Variants in LTBP2 observed in about 807,000 individuals in gnomAD.
LTBP2 encodes latent-transforming growth factor beta-binding protein 2.
Under a neutral mutation model 210.6 loss-of-function variants are expected in LTBP2, and 103 were observed. The observed-to-expected ratio is 0.49, with a 90% CI of 0.42 to 0.58. The LOEUF is 0.58. LTBP2 is among the 20% of genes least tolerant of loss of function. The pLI is 0.00. For synonymous variants in LTBP2, 1,007 were observed against 1,015.0 expected (o/e 0.99, Z 0.15); for missense variants, 2,313 against 2,494.5 (o/e 0.93, Z 1.55).
chr14:74,512,260 G>A (rs187775453), intron 18 of LTBP2, among the ~76,000 whole-genome samples: 197 of 152,308 alleles, frequency 1.3e-3, no homozygotes, highest in African/African-American at 4.6e-3. Flanking sequence ...CCTCTGGCCC[G>A]GTATCAAGGC....
chr14:74,582,389 C>G (rs1285556477), intron 3 of LTBP2, among the ~76,000 whole-genome samples: 1 of 103,096 alleles, frequency 9.7e-6, no homozygotes, highest in Non-Finnish European at 2.0e-5. Context: ...TGCACACACA[C>G]ACATACATAC....
rs2086880722 is a variant in LTBP2 at position 74,498,938 on chromosome 14, A to G, written c.*1946T>C. ...TTGTTTCTAATCTTTAGCTATTACA[A>G]ATGATGCAGTAATAACTTCTTACGT... On this transcript the variant is annotated 3_prime_UTR_variant, in exon 36 of 36. Transcript: ENST00000261978. 4.4e-6 allele frequency: 1 copy of G among 224,984 alleles called. No individual in the cohort carries two copies. The allele number at this position is 224,984 out of a possible 1,614,324, so 13.9% of individuals were successfully genotyped here.
At chr14:74,570,987 G>A (rs1369239445) in intron 3 of LTBP2, among the ~76,000 whole-genome samples, 2 of 151,020 alleles carry the variant, frequency 1.3e-5, no homozygotes, top group Non-Finnish European at 2.9e-5. Context: ...GTGAGACTTT[G>A]AACAAATGTA....
intron 3 of LTBP2, among the ~76,000 whole-genome samples, chr14:74,561,059 C>G (rs1475810229): frequency 6.6e-6 from 1 of 152,188 alleles, no homozygotes; most frequent in African/African-American, 2.4e-5. Flanking sequence ...TAGAATATGC[C>G]TGTAATCCTA....
chr14:74,539,392 A>T (rs982799141), intron 8 of LTBP2, among the ~76,000 whole-genome samples: 1 of 152,178 alleles, frequency 6.6e-6, no homozygotes, highest in African/African-American at 2.4e-5. Context: ...CCGGAAAGGT[A>T]TCAACTCTCT....
In LTBP2 at chr14:74,612,043, C is replaced by T. The variant is rs1015248701; in HGVS notation, c.-99G>A. On this transcript the variant is annotated 5_prime_UTR_variant, in exon 1 of 36. Transcript: ENST00000261978. Reference sequence around the variant, plus strand: ...GGGCTGTTCTCCCGGCCCCGCCCGGCGGCCAGCTTCTCTGAGTCTAGGGGG... The same window carrying T: ...GGGCTGTTCTCCCGGCCCCGCCCGGTGGCCAGCTTCTCTGAGTCTAGGGGG... The T allele has an allele frequency of 4.6e-6, 6 of 1,316,572 alleles. No individual in the cohort carries two copies. The African/African-American group carries it at 6.3e-5, about 14-fold the overall frequency. 81.6% of individuals were successfully genotyped at this position (1,316,572 alleles called of 1,614,324 possible). A position where few individuals can be genotyped will look rare whatever the true frequency, so the allele number is the denominator to read the frequency against.
intron 8 of LTBP2, among the ~76,000 whole-genome samples, chr14:74,543,550 C>CTTTTTCCTTCCT (rs2087540534): frequency 1.4e-5 from 2 of 140,284 alleles, no homozygotes; most frequent in African/African-American, 5.0e-5. Flanking sequence ...TCCTCCCTCC[C>CTTTTTCCTTCCT]TCCCTTCCTT....
At position 74,506,164 on chromosome 14, in the gene LTBP2, G is replaced by A. The variant is rs746261739; in HGVS notation, c.4061C>T (p.Ala1354Val). ...CTCACAGAGCGCGGCCCCACATACCGCCAGCATAAGCTCACACTCGTTCAC... is the reference window on the plus strand; with the variant it reads ...CTCACAGAGCGCGGCCCCACATACCACCAGCATAAGCTCACACTCGTTCAC... The part of the protein sequence containing the change: ...VDVNECELML[A>V]VCGAALCENV... Residue 1354 changes from alanine (A) to valine (V), a missense_variant, in exon 28 of 36, where the codon GCG becomes GTG. By Grantham distance (64) the Ala-to-Val change is moderately conservative. Coordinates refer to ENST00000261978, the MANE Select transcript of LTBP2 (RefSeq NM_000428.3). The A allele has an allele frequency of 1.5e-5, 25 of 1,613,740 alleles. No homozygotes were observed. Among genetic ancestry groups the A allele is most frequent in the Admixed American group, 8.3e-5 (5 of 60,008 alleles).
chr14:74,522,259 G>T (rs1265950408), intron 16 of LTBP2, among the ~76,000 whole-genome samples: 3 of 152,168 alleles, frequency 2.0e-5, no homozygotes, highest in Non-Finnish European at 4.4e-5. Context: ...GTGACTGCCA[G>T]CCCCTCCTAT....
chr14:74,583,239 C>T (rs1453252880), intron 3 of LTBP2, among the ~76,000 whole-genome samples: 2 of 152,236 alleles, frequency 1.3e-5, no homozygotes, highest in African/African-American at 4.8e-5. Flanking sequence ...CATTTCCCTC[C>T]CCAACTCCTA....
chr14:74,501,715 G>C, intron 34 of LTBP2, 125 bp from the exon 35 acceptor site: 1 of 1,189,068 alleles, frequency 8.4e-7, no homozygotes, highest in Non-Finnish European at 1.2e-6. Flanking sequence ...GGGGCAGAGA[G>C]GATCATAAAA....
Position 74,553,206 on chromosome 14 carries a change from T to A in LTBP2, c.1022-144A>T, listed in dbSNP as rs184612102. The stretch of plus-strand genomic sequence containing the variant: ...AGTACCTACTGGACGCAGGGTCCCA[T>A]CGTAGGGGCAAGGTGATACCTTTGA... On this transcript the variant is annotated intron_variant, in intron 4 of 35. Coordinates refer to ENST00000261978, the MANE Select transcript of LTBP2 (RefSeq NM_000428.3). 3.7e-4 allele frequency: 295 copies of A among 787,898 alleles called. 2 individuals carry two copies. In the African/African-American group the frequency reaches 4.5e-3, roughly 12 times the overall value. 48.8% of individuals were successfully genotyped at this position (787,898 alleles called of 1,614,324 possible). A position where few individuals can be genotyped will look rare whatever the true frequency, so the allele number is the denominator to read the frequency against.
intron 34 of LTBP2, chr14:74,501,843 C>G: frequency 1.8e-6 from 1 of 547,952 alleles, no homozygotes; most frequent in Non-Finnish European, 3.3e-6. Context: ...GGCTGAGACT[C>G]GCTGCTTCCA....
At position 74,585,972 on chromosome 14, in the gene LTBP2, G is replaced by A. The variant is rs1313427661; in HGVS notation, c.712C>T (p.Arg238Cys). 5.6e-6 allele frequency: 9 copies of A among 1,613,164 alleles called. No individual in the cohort carries two copies. The highest frequency in any genetic ancestry group is 4.0e-5 in the African/African-American group (3 of 74,928). The change falls in exon 3 of 36, where the codon CGC becomes TGC. Residue 238 changes from arginine to cysteine, a missense_variant. By Grantham distance (180) the Arg-to-Cys change is radical. Around this residue, in one of 3 missense-constraint regions of LTBP2, gnomAD observed 1,867 missense variants for 1,976.9 expected, o/e 0.94. Transcript: ENST00000261978. ...AGGTTGGGTGAACGCTCGGCCCAGC[G>A]TCGAGGTGCCAGCCTGGAGTTCTGG... ...DPQNSRLAPRRWAERSPNLRR... is the reference protein window; with the variant it reads ...DPQNSRLAPRCWAERSPNLRR...
rs1179607417 is a variant in LTBP2 at position 74,516,865 on chromosome 14, C to T, written c.2865G>A (p.Glu955=). The change falls in exon 18 of 36, where the codon GAG becomes GAA. Residue 955 remains glutamate, a synonymous_variant. Transcript: ENST00000261978. Reference sequence around the variant, plus strand: ...TGACCATGATGTAGCCCTGATCACACTCGCAGTGGTACGAGCCCTCGGTGT... The same window carrying T: ...TGACCATGATGTAGCCCTGATCACATTCGCAGTGGTACGAGCCCTCGGTGT... ...CTNTEGSYHC[E]CDQGYIMVRK... The T allele has an allele frequency of 2.6e-6, 4 of 1,551,924 alleles. No individual in the cohort carries two copies. The highest frequency in any genetic ancestry group is 3.5e-6 in the Non-Finnish European group (4 of 1,147,090).
intron 3 of LTBP2, among the ~76,000 whole-genome samples, chr14:74,576,816 T>C (rs1405463579): frequency 6.6e-6 from 1 of 152,090 alleles, no homozygotes; most frequent in African/African-American, 2.4e-5. Context: ...CTTCTGTACA[T>C]ATACCAGGCA....
At chr14:74,609,870 G>A (rs2088580220) in intron 1 of LTBP2, among the ~76,000 whole-genome samples, 1 of 152,242 alleles carries the variant, frequency 6.6e-6, no homozygotes. Context: ...CCTTTCCCAT[G>A]CTCTGCACGC....
chr14:74,603,521 C>T (rs750541795), intron 2 of LTBP2, 114 bp downstream of exon 2: 41 of 1,014,636 alleles, frequency 4.0e-5, no homozygotes, highest in African/African-American at 6.3e-5. Context: ...CTAGGAAAGA[C>T]GCTTCTGCTC....
chr14:74,528,615 C>G lies in LTBP2; in HGVS notation c.2236G>C (p.Glu746Gln), dbSNP rs760735135. 1 of 1,613,636 alleles carries G rather than the reference C, an allele frequency of 6.2e-7. No individual in the cohort carries two copies. The highest frequency in any genetic ancestry group is 1.1e-5 in the South Asian group (1 of 91,090). The change falls in exon 12 of 36, where the codon GAG (glutamate) becomes CAG (glutamine). Residue 746 changes from glutamate (E) to glutamine (Q), a missense_variant. Around this residue, in one of 3 missense-constraint regions of LTBP2, gnomAD observed 1,867 missense variants for 1,976.9 expected, o/e 0.94. Coordinates refer to ENST00000261978, the MANE Select transcript of LTBP2 (RefSeq NM_000428.3). ...DIRLSMRKAE[E>Q]EELARPPREQ... is the part of the protein sequence containing the mutation. Reference sequence around the variant, plus strand: ...CTTGGGGGCCTTGCCAGTTCCTCCTCCTCGGCTTTCCTCATGGACAGGCGG... The same window carrying G: ...CTTGGGGGCCTTGCCAGTTCCTCCTGCTCGGCTTTCCTCATGGACAGGCGG...
Sources: gnomAD v4.1 joint callset for allele counts (sites outside exome capture counted in the v4.1 genomes callset) on GRCh38, gnomAD v4.1.1 for gene constraint, gnomAD v4.1.1 regional missense constraint, MANE v1.5 for transcripts, NCBI Gene and HGNC (gene_info 2026-07-23, HGNC 2026-07-21) for gene names.